The following PLAC1 variants were observed in gnomAD, a reference collection of about 807,000 sequenced individuals.
PLAC1 encodes placenta-specific protein 1.
For synonymous variants in PLAC1, 68 were observed against 62.1 expected (o/e 1.09, Z -0.44); for missense variants, 136 against 163.2 (o/e 0.83, Z 0.91).
intron 2 of PLAC1, among the ~76,000 whole-genome samples, chrX:134,567,175 G>A (rs1238434250): frequency 1.8e-5 from 2 of 112,134 alleles, no homozygotes; most frequent in Non-Finnish European, 3.8e-5. Flanking sequence ...CTTCCCTATC[G>A]CTTTTTTGTT....
In PLAC1 at chrX:134,677,112, G is replaced by A. The variant is rs188657230; in HGVS notation, n.174+56323C>T. Among the ~76,000 whole-genome samples, 101 of 111,963 alleles carry A rather than the reference G, an allele frequency of 9.0e-4. 1 individual carries two copies. The highest frequency in any genetic ancestry group is 9.1e-3 in the Middle Eastern group (2 of 219). On this transcript the variant is annotated intron_variant and non_coding_transcript_variant, in intron 2 of 2. Coordinates refer to the PLAC1 transcript ENST00000466797. Reference sequence around the variant, plus strand: ...ATTTTGATGCAGTAGGCTTGGAAGGGGCCCTGGAAATATGGATTGTTTTAA... The same window carrying A: ...ATTTTGATGCAGTAGGCTTGGAAGGAGCCCTGGAAATATGGATTGTTTTAA...
intron 1 of PLAC1, among the ~76,000 whole-genome samples, chrX:134,753,054 CT>C (rs1411923972): frequency 9.0e-5 from 10 of 111,339 alleles, no homozygotes; most frequent in African/African-American, 3.3e-4. Context: ...AAACTGCTCT[CT>C]TTAAAAAAAG....
intron 1 of PLAC1, among the ~76,000 whole-genome samples, chrX:134,751,155 G>A (rs1198631759): frequency 9.9e-6 from 1 of 101,157 alleles, no homozygotes; most frequent in Non-Finnish European, 2.0e-5. Context: ...AAATGTAAAT[G>A]AATTATAATG....
intron 2 of PLAC1, chrX:134,733,301 T>G (rs1467859859): frequency 9.1e-6 from 1 of 109,734 alleles, no homozygotes; most frequent in East Asian, 2.8e-4. Context: ...GGGGGAAATC[T>G]CTGCAGGCTC....
chrX:134,659,265 G>T (rs1477767044), upstream of PLAC1, among the ~76,000 whole-genome samples: 1 of 111,609 alleles, frequency 9.0e-6, no homozygotes, highest in Non-Finnish European at 1.9e-5. Flanking sequence ...GGTTGCCTGA[G>T]CTGTTGCAGG....
chrX:134,596,131 C>T (rs1340766882), intron 2 of PLAC1, among the ~76,000 whole-genome samples: 1 of 111,474 alleles, frequency 9.0e-6, no homozygotes, highest in African/African-American at 3.3e-5. Context: ...GTTAATGTCT[C>T]TTTATCTCCC....
intron 2 of PLAC1, among the ~76,000 whole-genome samples, chrX:134,711,293 C>G (rs2078627382): frequency 8.9e-6 from 1 of 112,477 alleles, no homozygotes; most frequent in Non-Finnish European, 1.9e-5. Flanking sequence ...GTTTTTAAAA[C>G]AACACCACAT....
intron 2 of PLAC1, among the ~76,000 whole-genome samples, chrX:134,720,916 T>C (rs1206084940): frequency 8.9e-6 from 1 of 112,394 alleles, no homozygotes; most frequent in South Asian, 3.7e-4. Flanking sequence ...CCTCAGCATC[T>C]CGAAGTGTTA....
In PLAC1 at chrX:134,582,605, G is replaced by A. The variant is rs192762606; in HGVS notation, c.-58-15865C>T. Among the ~76,000 whole-genome samples, 108 of 112,203 alleles carry A rather than the reference G, an allele frequency of 9.6e-4. 8 individuals are homozygous for A. In the East Asian group the frequency reaches 0.017, roughly 17 times the overall value. ...ATTCTGTGAACCTAGAAGGGTGACT[G>A]AAAACTTGGTGTTAGTAGTATTCTT... On this transcript the variant is annotated intron_variant, in intron 2 of 2. Coordinates refer to ENST00000359237, the MANE Select transcript of PLAC1 (RefSeq NM_021796.4).
At chrX:134,595,607 T>C (rs1371965528) in intron 2 of PLAC1, among the ~76,000 whole-genome samples, 1 of 95,277 alleles carries the variant, frequency 1.0e-5, no homozygotes, top group Non-Finnish European at 2.1e-5. Context: ...ATAATATATA[T>C]ATAATGTGTG....
chrX:134,763,039 A>T (rs1295205561), intron 1 of PLAC1, among the ~76,000 whole-genome samples: 1 of 110,424 alleles, frequency 9.1e-6, no homozygotes, highest in Admixed American at 9.7e-5. Flanking sequence ...CAATAACAGA[A>T]ATTAAACCAC....
intron 2 of PLAC1, among the ~76,000 whole-genome samples, chrX:134,579,951 G>A (rs1437122371): frequency 8.9e-6 from 1 of 111,874 alleles, no homozygotes; most frequent in Non-Finnish European, 1.9e-5. Context: ...TGATCGCTCT[G>A]CATTTACGCT....
intron 1 of PLAC1, among the ~76,000 whole-genome samples, chrX:134,602,619 C>T (rs1050031399): frequency 7.1e-5 from 8 of 112,073 alleles, no homozygotes. Flanking sequence ...AGCTGTGGTA[C>T]ATCCATGCAG....
chrX:134,697,604 A>C (rs2078569138), intron 2 of PLAC1, among the ~76,000 whole-genome samples: 1 of 112,391 alleles, frequency 8.9e-6, no homozygotes, highest in Admixed American at 9.4e-5. Context: ...ACAGTGGCTC[A>C]CACCTATAAT....
Position 134,566,116 on chromosome X carries a change from C to T in PLAC1, c.567G>A (p.Leu189=). The part of the protein sequence containing the change: ...HQAGAQEAQP[L]QPSHFLDISE... The stretch of plus-strand genomic sequence containing the variant: ...AAATATCAAGAAAGTGAGATGGCTG[C>T]AGAGGTTGAGCCTCCTGAGCCCCTG... The change falls in exon 3 of 3, where the codon CTG becomes CTA. Residue 189 remains leucine, a synonymous_variant. Coordinates refer to ENST00000359237, the MANE Select transcript of PLAC1 (RefSeq NM_021796.4). 1 of 1,208,583 alleles carries T rather than the reference C, an allele frequency of 8.3e-7. No homozygotes were observed. The highest frequency in any genetic ancestry group is 1.1e-6 in the Non-Finnish European group (1 of 892,452).
chrX:134,760,471 T>C (rs920234689), intron 1 of PLAC1: 4 of 111,699 alleles, frequency 3.6e-5, no homozygotes, highest in Non-Finnish European at 5.6e-5. Context: ...TAGGAATTTA[T>C]CTGACATATG....
intron 2 of PLAC1, among the ~76,000 whole-genome samples, chrX:134,725,537 G>A (rs890318569): frequency 8.9e-6 from 1 of 111,964 alleles, no homozygotes; most frequent in Non-Finnish European, 1.9e-5. Context: ...CAAGTTCCCC[G>A]TGACACTGAG....
intron 2 of PLAC1, among the ~76,000 whole-genome samples, chrX:134,675,431 C>T (rs1451910921): frequency 8.9e-6 from 1 of 111,754 alleles, no homozygotes; most frequent in Non-Finnish European, 1.9e-5. Context: ...TTCGGGAGGC[C>T]GAGGCGGGTG....
chrX:134,743,754 C>G (rs922278504), intron 1 of PLAC1, among the ~76,000 whole-genome samples: 1 of 111,711 alleles, frequency 9.0e-6, no homozygotes, highest in Non-Finnish European at 1.9e-5. Context: ...GCTATTAAGA[C>G]TAGGGTACTA....
Sources: gnomAD v4.1 joint callset for allele counts (sites outside exome capture counted in the v4.1 genomes callset) on GRCh38, gnomAD v4.1.1 for gene constraint, MANE v1.5 for transcripts, NCBI Gene and HGNC (gene_info 2026-07-23, HGNC 2026-07-21) for gene names.